The following QTGAL variants were observed in gnomAD, a reference collection of about 807,000 sequenced individuals.
QTGAL encodes the protein BGnT-like protein 1.
chr17:82,972,874 G>A, the QTGAL span, among the ~76,000 whole-genome samples: 2 of 145,864 alleles, frequency 1.4e-5, no homozygotes, highest in African/African-American at 5.5e-5. Context: ...AGAAGGACCC[G>A]GTACTGACCA....
the QTGAL span, among the ~76,000 whole-genome samples, chr17:82,997,893 G>T: frequency 6.8e-6 from 1 of 147,542 alleles, no homozygotes; most frequent in African/African-American, 2.6e-5. Flanking sequence ...TGGGTGGTGG[G>T]AGGGAAGTAG....
At chr17:83,019,381 A>G in the QTGAL span, among the ~76,000 whole-genome samples, 7 of 152,272 alleles carry the variant, frequency 4.6e-5, no homozygotes, top group Non-Finnish European at 5.9e-5. Context: ...ATCACGCACA[A>G]AATATTTTTA....
chr17:83,043,065 G>A, the QTGAL span, among the ~76,000 whole-genome samples: 13 of 152,202 alleles, frequency 8.5e-5, no homozygotes, highest in Non-Finnish European at 1.9e-4. Context: ...GGGAGAAACA[G>A]TTCTACCGTA....
the QTGAL span, among the ~76,000 whole-genome samples, chr17:83,017,035 T>C: frequency 1.1e-4 from 17 of 152,212 alleles, no homozygotes; most frequent in African/African-American, 2.7e-4. Context: ...AGTTCTTCTA[T>C]GGAGTTGGCC....
chr17:83,017,035 T>A, the QTGAL span, among the ~76,000 whole-genome samples: 3 of 152,212 alleles, frequency 2.0e-5, no homozygotes, highest in Admixed American at 1.3e-4. Context: ...AGTTCTTCTA[T>A]GGAGTTGGCC....
chr17:82,964,030 G>GGT, the QTGAL span, among the ~76,000 whole-genome samples: 7 of 134,612 alleles, frequency 5.2e-5, no homozygotes, highest in Non-Finnish European at 1.1e-4. Flanking sequence ...GCTGAGGTCG[G>GGT]GGGGGTGGAT....
At chr17:83,004,971 C>A in the QTGAL span, 1 of 621,068 alleles carries the variant, frequency 1.6e-6, no homozygotes, top group Non-Finnish European at 2.7e-6. Context: ...CCACTCTGTG[C>A]GATTGATGGC....
the QTGAL span, among the ~76,000 whole-genome samples, chr17:83,002,229 T>C: frequency 6.6e-6 from 1 of 152,156 alleles, no homozygotes; most frequent in South Asian, 2.1e-4. Flanking sequence ...GGAGAAAGCC[T>C]GCCCCCACGG....
At chr17:83,038,727 C>T in the QTGAL span, among the ~76,000 whole-genome samples, 1 of 152,018 alleles carries the variant, frequency 6.6e-6, no homozygotes. Flanking sequence ...GGCGTGGTGG[C>T]GGGCTCCTGT....
At chr17:82,982,530 T>C in the QTGAL span, among the ~76,000 whole-genome samples, 102,831 of 141,922 alleles carry the variant, frequency 0.72, 35,066 homozygotes, top group East Asian at 0.82. Flanking sequence ...CGAAAGGGCC[T>C]CACAGAGAGC....
At chr17:83,041,490 C>T in the QTGAL span, among the ~76,000 whole-genome samples, 4 of 152,122 alleles carry the variant, frequency 2.6e-5, no homozygotes, top group Admixed American at 6.5e-5. Flanking sequence ...ATATTGAAAG[C>T]GACAAGAGAA....
chr17:82,996,340 T>C, the QTGAL span, among the ~76,000 whole-genome samples: 1 of 152,030 alleles, frequency 6.6e-6, no homozygotes, highest in Non-Finnish European at 1.5e-5. Context: ...CTGGCCAATA[T>C]GGTGAAACCC....
the QTGAL span, among the ~76,000 whole-genome samples, chr17:83,002,415 C>G: frequency 4.6e-5 from 7 of 152,342 alleles, no homozygotes; most frequent in Middle Eastern, 6.8e-3. Flanking sequence ...AAAGTAGCCA[C>G]AGTCTGCCTG....
the QTGAL span, among the ~76,000 whole-genome samples, chr17:82,991,081 A>G: frequency 6.6e-6 from 1 of 152,364 alleles, no homozygotes; most frequent in Admixed American, 6.5e-5. Flanking sequence ...ATGAAAATTA[A>G]CTAAAAAATG....
chr17:83,033,788 T>A, the QTGAL span, among the ~76,000 whole-genome samples: 18 of 152,028 alleles, frequency 1.2e-4, no homozygotes, highest in Non-Finnish European at 1.9e-4. Flanking sequence ...TCTACATTTT[T>A]AAAAGTGTTA....
At chr17:83,015,089 C>T in the QTGAL span, among the ~76,000 whole-genome samples, 28 of 144,324 alleles carry the variant, frequency 1.9e-4, no homozygotes, top group African/African-American at 6.0e-4. The surrounding 1 kb of genome is among the most constrained non-coding windows in gnomAD (Gnocchi z 4.4). Context: ...GGACCGTCTG[C>T]GGTGAGGACC....
chr17:82,945,755 A>C, the QTGAL span: 1 of 152,064 alleles, frequency 6.6e-6, no homozygotes, highest in Non-Finnish European at 1.5e-5. Flanking sequence ...AAAAAGAAAA[A>C]AAAATGTCTC....
At chr17:83,007,612 G>A in the QTGAL span, among the ~76,000 whole-genome samples, 2 of 152,138 alleles carry the variant, frequency 1.3e-5, no homozygotes, top group Admixed American at 6.5e-5. Context: ...ACTCCTGAGA[G>A]CCTGGATCCC....
chr17:83,048,507 T>C, the QTGAL span: 3 of 1,613,852 alleles, frequency 1.9e-6, no homozygotes, highest in Non-Finnish European at 2.5e-6. Context: ...CCCCCAATGA[T>C]CACGTGGACA....
Sources: allele counts gnomAD v4.1 joint callset (sites outside exome capture counted in the v4.1 genomes callset), GRCh38; gene constraint gnomAD v4.1.1; non-coding constraint Gnocchi (gnomAD v3.1); transcripts MANE v1.5; gene names NCBI Gene and HGNC (gene_info 2026-07-23, HGNC 2026-07-21).